The following DISP1 variants were observed in gnomAD, a reference collection of about 807,000 sequenced individuals.
The protein encoded by DISP1 is dispatched RND transporter family member 1.
Under a neutral mutation model 37.3 loss-of-function variants are expected in DISP1, and 30 were observed. That is an observed-to-expected ratio of 0.80 (90% confidence interval 0.60 to 1.09). The LOEUF is 1.09. Ranked by LOEUF, DISP1 falls within the 50% of genes least tolerant of loss-of-function variation. The pLI is 0.00. For missense variants in DISP1, 1,598 were observed against 1,879.5 expected, an observed-to-expected ratio of 0.85 and a Z score of 2.77; for synonymous variants, 634 against 690.2, an observed-to-expected ratio of 0.92 and a Z score of 1.28.
At chr1:222,972,442 C>G (rs1189867049) in intron 3 of DISP1, among the ~76,000 whole-genome samples, 1 of 152,002 alleles carries the variant, frequency 6.6e-6, no homozygotes, top group Non-Finnish European at 1.5e-5. Context: ...TGTTTTTATC[C>G]TATCAGTTGT....
At chr1:222,976,796 A>G (rs1677365252) in intron 3 of DISP1, among the ~76,000 whole-genome samples, 1 of 152,182 alleles carries the variant, frequency 6.6e-6, no homozygotes, top group Non-Finnish European at 1.5e-5. Context: ...TTTGCTCAGT[A>G]CATGTTCCAG....
At chr1:222,865,036 G>A (rs1353220556) in intron 1 of DISP1, among the ~76,000 whole-genome samples, 2 of 150,812 alleles carry the variant, frequency 1.3e-5, no homozygotes, top group Admixed American at 6.6e-5. Context: ...GTTTGTTTTT[G>A]TTTTGTTTTT....
At chr1:222,830,251 TG>T (rs762089001) in intron 1 of DISP1, among the ~76,000 whole-genome samples, 2 of 152,128 alleles carry the variant, frequency 1.3e-5, no homozygotes, top group Non-Finnish European at 2.9e-5. Flanking sequence ...TTTATTTTTT[TG>T]GGGGGGTCAT....
chr1:223,001,810 A>G (rs868483551), intron 8 of DISP1, among the ~76,000 whole-genome samples: 1 of 152,188 alleles, frequency 6.6e-6, no homozygotes, highest in Non-Finnish European at 1.5e-5. Flanking sequence ...TTAGGTTTCA[A>G]CTTGAATTTG....
chr1:222,825,491 CTGTT>C (rs1664112537), intron 1 of DISP1, among the ~76,000 whole-genome samples: 1 of 149,292 alleles, frequency 6.7e-6, no homozygotes, highest in Non-Finnish European at 1.5e-5. Flanking sequence ...TTGGAATAAC[CTGTT>C]TCTCTTTTTT....
rs3028495 is a variant in DISP1 at position 222,980,410 on chromosome 1, A to AGTGTGTGTGTGTGTGT, written c.510-2655_510-2640dup. Among the ~76,000 whole-genome samples the AGTGTGTGTGTGTGTGT allele has an allele frequency of 1.6e-3, 238 of 148,162 alleles. 4 individuals carry two copies. The South Asian group carries it at 0.02, about 12-fold the overall frequency. On this transcript the variant is annotated intron_variant, in intron 3 of 8. Coordinates refer to ENST00000675850, the MANE Select transcript of DISP1 (RefSeq NM_001377229.1). ...AAATAGGAATGGGCTGATGTAACAA[A>AGTGTGTGTGTGTGTGT]GTGTGTGTGTGTGTGTGTGTGTGTG...
In DISP1 at chr1:222,929,582, A is replaced by G. The variant is rs1434399646; in HGVS notation, c.-18+1012A>G. ...CAAGAAGGTTATTTTAGATCATAAT[A>G]TTTATAATTAAGAAAATTACAGTTC... is the stretch of plus-strand genomic sequence containing the variant. On this transcript the variant is annotated intron_variant, in intron 2 of 8. Coordinates refer to ENST00000675850, the MANE Select transcript of DISP1 (RefSeq NM_001377229.1). Among the ~76,000 whole-genome samples the G allele has an allele frequency of 2.0e-5, 3 of 152,118 alleles. No homozygotes were observed. In the East Asian group the frequency reaches 5.8e-4, roughly 29 times the overall value.
chr1:222,937,849 A>T (rs1674083559), intron 2 of DISP1, among the ~76,000 whole-genome samples: 1 of 133,008 alleles, frequency 7.5e-6, no homozygotes, highest in Non-Finnish European at 1.5e-5. Context: ...GCCCTGGGAG[A>T]ACAGGTGATT....
intron 1 of DISP1, among the ~76,000 whole-genome samples, chr1:222,873,607 T>G (rs1261293805): frequency 1.3e-5 from 2 of 152,206 alleles, no homozygotes; most frequent in African/African-American, 4.8e-5. Flanking sequence ...CCCTGCCTTT[T>G]TTTGTTTTCC....
chr1:222,994,583 T>C (rs530769104), intron 7 of DISP1, among the ~76,000 whole-genome samples: 2 of 152,346 alleles, frequency 1.3e-5, no homozygotes, highest in East Asian at 1.9e-4. Context: ...ATTCGTTTCC[T>C]GTTGTAAATT....
At chr1:222,899,762 C>CT (rs140188678) in intron 1 of DISP1, 3,902 of 151,210 alleles carry the variant, frequency 0.026, 176 homozygotes, top group African/African-American at 0.088. Context: ...GCAAATTTTT[C>CT]TTTTTTTTTG....
rs140582059 is a variant in DISP1, at chr1:222,875,521, A to G, written c.-158-52909A>G. 4.2e-3 allele frequency among the ~76,000 whole-genome samples: 631 copies of G among 152,036 alleles called. 13 individuals are homozygous for G. Among genetic ancestry groups the G allele is most frequent in the Admixed American group, 0.018 (272 of 15,250 alleles). On this transcript the variant is annotated intron_variant, in intron 1 of 8. Transcript: ENST00000675850. ...AAGGGACAAAGAGAATTTTAGATAGAAAATAGCATCAGAAAGGTCTGGTGT... is the reference window on the plus strand; with the variant it reads ...AAGGGACAAAGAGAATTTTAGATAGGAAATAGCATCAGAAAGGTCTGGTGT...
At chr1:222,898,832 T>A (rs944969557) in intron 1 of DISP1, among the ~76,000 whole-genome samples, 1 of 152,172 alleles carries the variant, frequency 6.6e-6, no homozygotes, top group African/African-American at 2.4e-5. Context: ...TTCATTGCCG[T>A]ATATCTCCTG....
Position 222,936,601 on chromosome 1 carries a change from C to A in DISP1, c.-17-6206C>A, listed in dbSNP as rs12120659. Among the ~76,000 whole-genome samples the A allele has an allele frequency of 9.7e-3, 138 of 14,282 alleles. 1 individual carries two copies. Among genetic ancestry groups the A allele is most frequent in the Middle Eastern group, 0.036 (1 of 28 alleles). 9.4% of individuals were successfully genotyped at this position (14,282 alleles called of 152,430 possible). ...TATCATATATATGAGAGATATATAT[C>A]TCTCATATATATGAGATATATATAT... On this transcript the variant is annotated intron_variant, in intron 2 of 8. Transcript: ENST00000675850.
chr1:222,876,240 G>T (rs550200217), intron 1 of DISP1, among the ~76,000 whole-genome samples: 55 of 152,278 alleles, frequency 3.6e-4, no homozygotes, highest in Non-Finnish European at 7.4e-4. Flanking sequence ...GTGTGGTGAG[G>T]TATGGCTGTG....
chr1:222,918,111 A>G (rs1334916556), intron 1 of DISP1, among the ~76,000 whole-genome samples: 1 of 152,178 alleles, frequency 6.6e-6, no homozygotes, highest in East Asian at 1.9e-4. Context: ...CTGTTGGGAA[A>G]TGAGAAGGGG....
At chr1:222,978,633 C>A (rs1167931137) in intron 3 of DISP1, among the ~76,000 whole-genome samples, 1 of 152,122 alleles carries the variant, frequency 6.6e-6, no homozygotes, top group African/African-American at 2.4e-5. Flanking sequence ...AGGTTTTCTT[C>A]TAGGGTTTTT....
At chr1:222,946,217 CA>C (rs11330653) in intron 3 of DISP1, among the ~76,000 whole-genome samples, 54,398 of 127,810 alleles carry the variant, frequency 0.43, 10,916 homozygotes, top group Middle Eastern at 0.51. Context: ...ACTAAAAATA[CA>C]AAAAAAAAAA....
chr1:222,858,057 CA>C lies in DISP1; in HGVS notation c.-159+42983del, dbSNP rs529206703. Among the ~76,000 whole-genome samples, 23 of 152,214 alleles carry C rather than the reference CA, an allele frequency of 1.5e-4. No homozygotes were observed. The South Asian group carries it at 4.6e-3, about 30-fold the overall frequency. On this transcript the variant is annotated intron_variant, in intron 1 of 8. Coordinates refer to ENST00000675850, the MANE Select transcript of DISP1 (RefSeq NM_001377229.1). ...AACTATACTATAAGGCTATAGTAAC[CA>C]AAACAGCATGGCACCAGTACAAAAA...
Sources: allele counts gnomAD v4.1 joint callset (sites outside exome capture counted in the v4.1 genomes callset), GRCh38; gene constraint gnomAD v4.1.1; transcripts MANE v1.5; gene names NCBI Gene and HGNC (gene_info 2026-07-23, HGNC 2026-07-21).